ECT2L: variants seen among roughly 807,000 people sequenced by gnomAD.
ECT2L encodes the protein epithelial cell-transforming sequence 2 oncogene-like.
ECT2L carries 126 observed loss-of-function variants against 122.8 expected under a neutral mutation model. The observed-to-expected ratio is 1.03, with a 90% confidence interval of 0.89 to 1.19. ECT2L has a LOEUF of 1.19. ECT2L is among the 50% of genes most tolerant of loss of function. The pLI, the probability that ECT2L is intolerant of heterozygous loss-of-function variation, is 0.00. For missense variants in ECT2L, 1,012 were observed against 1,064.1 expected (o/e 0.95, Z 0.68); for synonymous variants, 385 against 381.8 (o/e 1.01, Z -0.10).
In ECT2L at chr6:138,868,191, G is replaced by C; in HGVS notation, c.1563G>C (p.Leu521Phe). ...CTCTGGCAGATGGATTGATGGAGTT[G>C]TCAAAAGAAGATTCTGTAAGTGTTT... ...AQALADGLME[L>F]SKEDSERNVV... The change falls in exon 13 of 22, where the codon TTG becomes TTC. Residue 521 changes from leucine (L) to phenylalanine (F), a missense_variant. By Grantham distance (22) the Leu-to-Phe change is conservative. Coordinates refer to ENST00000541398, the MANE Select transcript of ECT2L (RefSeq NM_001077706.3). 6.2e-7 allele frequency: 1 copy of C among 1,612,056 alleles called. No individual in the cohort carries two copies. Among genetic ancestry groups the C allele is most frequent in the Non-Finnish European group, 8.5e-7 (1 of 1,179,284 alleles).
chr6:138,850,441 G>A (rs114918286), intron 9 of ECT2L, among the ~76,000 whole-genome samples: 1,806 of 152,236 alleles, frequency 0.012, 32 homozygotes, highest in African/African-American at 0.041. Flanking sequence ...CACTTTGCCC[G>A]GCTGTGACTG....
intron 9 of ECT2L, among the ~76,000 whole-genome samples, chr6:138,851,153 C>T (rs1181172746): frequency 6.6e-6 from 1 of 152,044 alleles, no homozygotes; most frequent in Non-Finnish European, 1.5e-5. Flanking sequence ...CTTGCCAACA[C>T]TTATTTTCTG....
chr6:138,898,430 G>A lies in ECT2L; in HGVS notation c.2415-2518G>A, dbSNP rs141750593. 3.0e-3 allele frequency among the ~76,000 whole-genome samples: 451 copies of A among 152,230 alleles called. 1 individual carries two copies. The highest frequency in any genetic ancestry group is 0.01 in the African/African-American group (426 of 41,532). The stretch of plus-strand genomic sequence containing the variant: ...CCTAAAACAACTCCTACTTCCTAAC[G>A]CTGTCCAAGTAGCTGAACCTGAAAC... On this transcript the variant is annotated intron_variant, in intron 20 of 21. Coordinates refer to ENST00000541398, the MANE Select transcript of ECT2L (RefSeq NM_001077706.3).
intron 8 of ECT2L, among the ~76,000 whole-genome samples, chr6:138,847,808 A>G (rs1747589452): frequency 6.6e-6 from 1 of 152,284 alleles, no homozygotes. Context: ...TTGATGCTAC[A>G]TGTAGACCTC....
intron 4 of ECT2L, among the ~76,000 whole-genome samples, chr6:138,830,646 C>T (rs754056140): frequency 1.3e-5 from 2 of 152,110 alleles, no homozygotes; most frequent in Admixed American, 6.5e-5. Flanking sequence ...CTGCAGTTTT[C>T]GGTATGAACA....
At chr6:138,846,713 GT>G (rs772635152) in intron 8 of ECT2L, 36 bp downstream of exon 8, 93 of 1,416,784 alleles carry the variant, frequency 6.6e-5, no homozygotes, top group Admixed American at 1.3e-4. Context: ...TGTCCTGATT[GT>G]TTTTTTGTTT....
chr6:138,837,450 T>C (rs1776879570), intron 4 of ECT2L, among the ~76,000 whole-genome samples: 1 of 152,042 alleles, frequency 6.6e-6, no homozygotes, highest in African/African-American at 2.4e-5. Flanking sequence ...AGCACACTAG[T>C]CTCTTCTATA....
intron 6 of ECT2L, 39 bp from the exon 7 acceptor site, chr6:138,844,373 T>C (rs1211549469): frequency 2.5e-6 from 4 of 1,601,686 alleles, no homozygotes; most frequent in Non-Finnish European, 3.4e-6. Context: ...GGGAGAAGTA[T>C]GAAGTAATCA....
intron 11 of ECT2L, among the ~76,000 whole-genome samples, chr6:138,864,321 A>G (rs909175353): frequency 6.6e-6 from 1 of 152,184 alleles, no homozygotes; most frequent in Non-Finnish European, 1.5e-5. Context: ...GACTGTCTCA[A>G]ACAGAAACAA....
rs57637001 is a variant in ECT2L, at chr6:138,848,460, T to G, written c.904-809T>G. The stretch of plus-strand genomic sequence containing the variant: ...AGGAAGCACAAAGATGACCTTTGTA[T>G]CTATATATGTGAGTGTATATGTATG... On this transcript the variant is annotated intron_variant, in intron 8 of 21. Coordinates refer to ENST00000541398, the MANE Select transcript of ECT2L (RefSeq NM_001077706.3). Among the ~76,000 whole-genome samples the G allele has an allele frequency of 3.5e-3, 539 of 152,336 alleles. 5 individuals carry two copies. The highest frequency in any genetic ancestry group is 0.012 in the African/African-American group (508 of 41,576).
chr6:138,883,423 G>GA (rs1295411738), intron 16 of ECT2L, among the ~76,000 whole-genome samples: 1 of 152,186 alleles, frequency 6.6e-6, no homozygotes. Context: ...CTCTTGTGGG[G>GA]ATACCTTCTT....
At chr6:138,845,997 G>A (rs9495272) in intron 7 of ECT2L, among the ~76,000 whole-genome samples, 291 of 152,264 alleles carry the variant, frequency 1.9e-3, no homozygotes, top group African/African-American at 6.7e-3. Flanking sequence ...CTTGAGCCTG[G>A]GAAGTTGAGG....
rs78270662 is a variant in ECT2L, at chr6:138,895,115, T to C, written c.2415-5833T>C. 7.5e-3 allele frequency among the ~76,000 whole-genome samples: 1,137 copies of C among 152,110 alleles called. 9 individuals carry two copies. Among genetic ancestry groups the C allele is most frequent in the African/African-American group, 0.025 (1,050 of 41,484 alleles). On this transcript the variant is annotated intron_variant, in intron 20 of 21. Coordinates refer to ENST00000541398, the MANE Select transcript of ECT2L (RefSeq NM_001077706.3). ...CTCTACAGGGGAAAAAAAAACGTTT[T>C]GAAATTAGGTAAATGCAAAAAGATA...
chr6:138,873,654 C>T (rs1386026960), intron 13 of ECT2L, among the ~76,000 whole-genome samples: 1 of 151,830 alleles, frequency 6.6e-6, no homozygotes, highest in East Asian at 1.9e-4. Flanking sequence ...ATTAGCTGGG[C>T]CTGGTGGTGG....
At chr6:138,813,874 T>C (rs1180102087) in intron 3 of ECT2L, among the ~76,000 whole-genome samples, 1 of 152,166 alleles carries the variant, frequency 6.6e-6, no homozygotes, top group Non-Finnish European at 1.5e-5. Context: ...TAGACCAGGC[T>C]GGGACTAAAG....
intron 16 of ECT2L, 77 bp downstream of exon 16, chr6:138,882,948 C>T (rs372957269): frequency 2.6e-5 from 39 of 1,479,620 alleles, no homozygotes; most frequent in South Asian, 1.9e-4. Context: ...GAAAGACCAG[C>T]GTTAATAAGA....
rs772450149 is a variant in ECT2L at position 138,865,145 on chromosome 6, G to T, written c.1441G>T (p.Glu481Ter). The change falls in exon 12 of 22, where the codon GAA (glutamate) becomes TAA (stop). Residue 481 changes from glutamate to a stop codon, truncating the protein, a stop_gained. Coordinates refer to ENST00000541398, the MANE Select transcript of ECT2L (RefSeq NM_001077706.3). LOFTEE classifies it high-confidence loss of function. ...GAAGCAGCTGTATCCTTTCTTCAAG[G>T]AACTGCAGAAGAGCATCAGTGGCAG... ...VRKQLYPFFK[E>*]LQKSISGRMI... 1.2e-6 allele frequency: 2 copies of T among 1,613,330 alleles called. No homozygotes were observed. The highest frequency in any genetic ancestry group is 2.2e-5 in the South Asian group (2 of 90,930).
chr6:138,901,237 T>C, intron 21 of ECT2L, 117 bp downstream of exon 21: 1 of 1,033,388 alleles, frequency 9.7e-7, no homozygotes, highest in Non-Finnish European at 1.4e-6. Context: ...TTGCAAACAA[T>C]TCCCCCAATA....
chr6:138,846,964 TAAAAAAAAAAAA>T (rs775229639), intron 8 of ECT2L, among the ~76,000 whole-genome samples: 1 of 73,126 alleles, frequency 1.4e-5, no homozygotes, highest in Admixed American at 1.8e-4. Flanking sequence ...TCTGTTTCTA[TAAAAAAAAAAAA>T]AAAAAAAAAG....
Sources: allele counts gnomAD v4.1 joint callset (sites outside exome capture counted in the v4.1 genomes callset), GRCh38; gene constraint gnomAD v4.1.1; transcripts MANE v1.5; gene names NCBI Gene and HGNC (gene_info 2026-07-23, HGNC 2026-07-21).